Variants in MANBAL observed in about 807,000 individuals in gnomAD.
The protein encoded by MANBAL is protein MANBAL.
A neutral mutation model predicts 6.4 loss-of-function variants in MANBAL; 1 was observed. The ratio of observed to expected loss-of-function variants is 0.16; its 90% CI spans 0.06 to 0.74. The LOEUF (loss-of-function observed/expected upper bound fraction) is 0.74, where lower values mean the gene tolerates loss of function less well. Among genes scored for constraint, MANBAL ranks in the 30% least tolerant of loss-of-function variants. The pLI, the probability that MANBAL is intolerant of heterozygous loss-of-function variation, is 0.78. For missense variants in MANBAL, 100 were observed against 107.8 expected (o/e 0.93, Z 0.32); for synonymous variants, 47 against 45.8 (o/e 1.03, Z -0.10).
chr20:37,305,585 G>C (rs1303721315), intron 2 of MANBAL, among the ~76,000 whole-genome samples: 2 of 151,878 alleles, frequency 1.3e-5, no homozygotes, highest in Non-Finnish European at 2.9e-5. Context: ...TTTAAATATA[G>C]TACATGACAT....
chr20:37,310,771 G>A (rs1018136071), intron 2 of MANBAL, among the ~76,000 whole-genome samples: 2 of 152,124 alleles, frequency 1.3e-5, no homozygotes, highest in African/African-American at 4.8e-5. Flanking sequence ...CTGGCCTCGG[G>A]AGTTTTCTTT....
chr20:37,313,203 C>A (rs893240902), intron 2 of MANBAL, among the ~76,000 whole-genome samples: 8 of 150,588 alleles, frequency 5.3e-5, no homozygotes, highest in African/African-American at 2.0e-4. Context: ...ATGGTGAAAC[C>A]CCGTCTCTAC....
At chr20:37,295,295 T>G (rs2068968151) in intron 1 of MANBAL, among the ~76,000 whole-genome samples, 1 of 152,204 alleles carries the variant, frequency 6.6e-6, no homozygotes. Context: ...TTCAAGAGAT[T>G]ACAATGGATC....
intron 1 of MANBAL, among the ~76,000 whole-genome samples, chr20:37,290,301 C>T (rs1260046032): frequency 1.3e-5 from 2 of 152,228 alleles, no homozygotes; most frequent in African/African-American, 2.4e-5. Flanking sequence ...AGCCCACCGG[C>T]TACCAGTGTG....
intron 2 of MANBAL, among the ~76,000 whole-genome samples, chr20:37,308,329 A>G (rs374858870): frequency 5.8e-4 from 88 of 152,268 alleles, no homozygotes; most frequent in African/African-American, 2.1e-3. Flanking sequence ...TGACAGGCAG[A>G]GCAGTGGGCA....
intron 1 of MANBAL, among the ~76,000 whole-genome samples, chr20:37,294,641 C>G (rs1431090096): frequency 6.6e-6 from 1 of 152,220 alleles, no homozygotes; most frequent in Non-Finnish European, 1.5e-5. Context: ...TGACTTCTTC[C>G]TTTGCTTTCT....
chr20:37,290,746 A>C (rs1043352042), intron 1 of MANBAL, among the ~76,000 whole-genome samples: 1 of 152,162 alleles, frequency 6.6e-6, no homozygotes, highest in Non-Finnish European at 1.5e-5. Context: ...GGCGGGAGCC[A>C]CCACACCCGG....
intron 1 of MANBAL, among the ~76,000 whole-genome samples, chr20:37,290,038 G>GTA (rs2146774670): frequency 6.6e-6 from 1 of 152,278 alleles, no homozygotes; most frequent in South Asian, 2.1e-4. Flanking sequence ...GTTCGAATCC[G>GTA]TATGGCTCTC....
chr20:37,311,060 C>T (rs780504008), intron 2 of MANBAL, among the ~76,000 whole-genome samples: 7 of 152,226 alleles, frequency 4.6e-5, no homozygotes, highest in African/African-American at 1.2e-4. Context: ...TGCATGGGGC[C>T]GTCACCTGGC....
chr20:37,301,532 T>A (rs1413452776), intron 2 of MANBAL, 119 bp downstream of exon 2: 2 of 1,138,394 alleles, frequency 1.8e-6, no homozygotes, highest in African/African-American at 1.6e-5. Context: ...TTTGATTTAG[T>A]GTGCCTCTGA....
chr20:37,291,266 C>T (rs544524504), intron 1 of MANBAL, among the ~76,000 whole-genome samples: 37 of 152,164 alleles, frequency 2.4e-4, no homozygotes, highest in African/African-American at 8.9e-4. Flanking sequence ...CCCACGTTTC[C>T]CCTATTACTA....
At chr20:37,305,986 G>C (rs2069249792) in intron 2 of MANBAL, among the ~76,000 whole-genome samples, 1 of 152,186 alleles carries the variant, frequency 6.6e-6, no homozygotes, top group Non-Finnish European at 1.5e-5. Context: ...GGGGAAAGAA[G>C]GGGGTTTTAA....
chr20:37,301,323 C>A lies in MANBAL; in HGVS notation c.60C>A (p.Asn20Lys). ...TGCCCGAGCCCACTTTCCTGGAGAA[C>A]CTGCTACGGTACGGACTCTTCCTGG... The part of the protein sequence containing the change: ...PEVPEPTFLE[N>K]LLRYGLFLGA... Residue 20 changes from asparagine (N) to lysine (K), a missense_variant, in exon 2 of 3, where the codon AAC becomes AAA. Asn to Lys is a moderately conservative substitution (Grantham distance 94). Transcript: ENST00000373606. 1.2e-6 allele frequency: 2 copies of A among 1,613,216 alleles called. No individual in the cohort carries two copies.
Position 37,300,354 on chromosome 20 carries a change from A to G in MANBAL, c.-56-854A>G, listed in dbSNP as rs1052433951. Among the ~76,000 whole-genome samples, 6 of 151,834 alleles carry G rather than the reference A, an allele frequency of 4.0e-5. No individual in the cohort carries two copies. In the East Asian group the frequency reaches 1.2e-3, roughly 29 times the overall value. ...CAAATGGCTCCCTCTCTCACTTCTT[A>G]TCTCTTCCACTCCATTCCCGTCTCT... On this transcript the variant is annotated intron_variant, in intron 1 of 2. Coordinates refer to ENST00000373606, the MANE Select transcript of MANBAL (RefSeq NM_001003897.2).
intron 2 of MANBAL, among the ~76,000 whole-genome samples, chr20:37,306,003 G>C (rs2069250226): frequency 6.6e-6 from 1 of 152,150 alleles, no homozygotes; most frequent in South Asian, 2.1e-4. Flanking sequence ...TTAACATGGG[G>C]ACGGGGTACT....
chr20:37,290,825 T>C (rs2068849957), intron 1 of MANBAL, among the ~76,000 whole-genome samples: 2 of 152,126 alleles, frequency 1.3e-5, no homozygotes, highest in East Asian at 1.9e-4. Flanking sequence ...TCCTGCCTGG[T>C]CTTGAACTCC....
intron 1 of MANBAL, among the ~76,000 whole-genome samples, chr20:37,294,963 A>G (rs1272419735): frequency 6.6e-6 from 1 of 152,244 alleles, no homozygotes; most frequent in Non-Finnish European, 1.5e-5. Context: ...TGCCACGTTC[A>G]GTAATAATTA....
At chr20:37,292,445 G>A (rs1353601910) in intron 1 of MANBAL, among the ~76,000 whole-genome samples, 1 of 152,112 alleles carries the variant, frequency 6.6e-6, no homozygotes, top group Non-Finnish European at 1.5e-5. Flanking sequence ...GGGATTACAG[G>A]CACCTACCAC....
chr20:37,307,743 C>T (rs955418565), intron 2 of MANBAL, among the ~76,000 whole-genome samples: 3 of 148,280 alleles, frequency 2.0e-5, no homozygotes, highest in Non-Finnish European at 4.4e-5. Context: ...GGCGACAGAG[C>T]GAGACTCCAT....
Sources: gnomAD v4.1 joint callset for allele counts (sites outside exome capture counted in the v4.1 genomes callset) on GRCh38, gnomAD v4.1.1 for gene constraint, MANE v1.5 for transcripts, NCBI Gene and HGNC (gene_info 2026-07-23, HGNC 2026-07-21) for gene names.